Variants in NSF observed in about 807,000 individuals in gnomAD.
NSF encodes N-ethylmaleimide sensitive factor, vesicle fusing ATPase.
Under a neutral mutation model 50.3 loss-of-function variants are expected in NSF, and 14 were observed. The observed-to-expected ratio is 0.28, with a 90% CI of 0.18 to 0.44. The LOEUF is 0.44. NSF is among the 20% of genes least tolerant of loss of function. The pLI is 1.00. For missense variants in NSF, 218 were observed against 504.3 expected (o/e 0.43, Z 5.44); for synonymous variants, 109 against 175.7 (o/e 0.62, Z 3.00).
intron 17 of NSF, among the ~76,000 whole-genome samples, chr17:46,737,081 T>G (rs1007820720): frequency 2.6e-5 from 4 of 152,220 alleles, no homozygotes; most frequent in Admixed American, 2.0e-4. Context: ...ACATCTGCTT[T>G]TATTAGATGT....
chr17:46,610,027 T>TTCTTTCTTTCTTTCTTTCTCTC (rs774244394), intron 1 of NSF, among the ~76,000 whole-genome samples: 3 of 109,470 alleles, frequency 2.7e-5, no homozygotes, highest in African/African-American at 9.9e-5. Context: ...CTTTCTTTCT[T>TTCTTTCTTTCTTTCTTTCTCTC]TCTCTCTCTC....
At chr17:46,754,133 T>G (rs989313923) in intron 19 of NSF, among the ~76,000 whole-genome samples, 2 of 148,038 alleles carry the variant, frequency 1.4e-5, no homozygotes, top group South Asian at 4.3e-4. Context: ...CAACTACAAC[T>G]GCGCTCCAGC....
In NSF at chr17:46,621,349, C is replaced by T. The variant is rs1442290796; in HGVS notation, c.13-2895C>T. Among the ~76,000 whole-genome samples, 20 of 137,856 alleles carry T rather than the reference C, an allele frequency of 1.5e-4. 1 individual carries two copies. In the East Asian group the frequency reaches 3.8e-3, roughly 26 times the overall value. The allele number at this position is 137,856 out of a possible 152,430, so 90.4% of individuals were successfully genotyped here. A position where few individuals can be genotyped will look rare whatever the true frequency, so the allele number is the denominator to read the frequency against. On this transcript the variant is annotated intron_variant, in intron 1 of 20. Transcript: ENST00000398238. ...TTGCCCAGACTGGAGTACAGTGACA[C>T]GATCTCAGCTCACTGCAAGCTCCGC...
At chr17:46,746,588 T>C (rs1364512523) in intron 17 of NSF, among the ~76,000 whole-genome samples, 1 of 152,008 alleles carries the variant, frequency 6.6e-6, no homozygotes, top group Admixed American at 6.5e-5. Flanking sequence ...ATGGACTGAG[T>C]GTGTATTATA....
At chr17:46,743,387 C>T (rs1302475826) in intron 17 of NSF, among the ~76,000 whole-genome samples, 1 of 152,190 alleles carries the variant, frequency 6.6e-6, no homozygotes, top group African/African-American at 2.4e-5. Flanking sequence ...CTTGCCTGTT[C>T]TGACTGTGAT....
intron 12 of NSF, among the ~76,000 whole-genome samples, chr17:46,703,653 C>G (rs910329904): frequency 7.2e-6 from 1 of 138,168 alleles, no homozygotes; most frequent in Non-Finnish European, 1.5e-5. Context: ...TGCACTCCAG[C>G]CTGGGGGACA....
At chr17:46,657,602 T>TA (rs2058270506) in intron 8 of NSF, among the ~76,000 whole-genome samples, 1 of 127,280 alleles carries the variant, frequency 7.9e-6, no homozygotes, top group African/African-American at 3.0e-5. Context: ...ATTCTTCAAG[T>TA]TTCAGCTTGA....
chr17:46,694,828 AAG>A (rs2058579165), intron 12 of NSF, among the ~76,000 whole-genome samples, 166 bp downstream of exon 12: 1 of 137,126 alleles, frequency 7.3e-6, no homozygotes, highest in South Asian at 2.4e-4. Context: ...AGCAGGAAGG[AAG>A]ATAATGTTTG....
intron 17 of NSF, among the ~76,000 whole-genome samples, chr17:46,741,233 G>T (rs1239988630): frequency 6.6e-6 from 1 of 152,162 alleles, no homozygotes; most frequent in Non-Finnish European, 1.5e-5. Context: ...GAGGGGGTTT[G>T]GGGGAATGAG....
chr17:46,725,773 A>C (rs1269087606), intron 15 of NSF, among the ~76,000 whole-genome samples: 1 of 152,160 alleles, frequency 6.6e-6, no homozygotes, highest in Non-Finnish European at 1.5e-5. Context: ...GCTGGGATGC[A>C]GAAACTAATT....
At chr17:46,755,687 G>C in intron 20 of NSF, 115 bp from the exon 21 acceptor site, 1 of 1,169,468 alleles carries the variant, frequency 8.6e-7, no homozygotes, top group Non-Finnish European at 1.2e-6. Context: ...ATGCATAGTG[G>C]GAAATGTAGG....
At chr17:46,738,511 A>G (rs1198629433) in intron 17 of NSF, among the ~76,000 whole-genome samples, 3 of 152,356 alleles carry the variant, frequency 2.0e-5, no homozygotes, top group South Asian at 2.1e-4. Flanking sequence ...AAGGACCATC[A>G]TAACAAACCA....
chr17:46,615,719 A>AC (rs1209130501), intron 1 of NSF, among the ~76,000 whole-genome samples: 1 of 49,436 alleles, frequency 2.0e-5, no homozygotes, highest in Admixed American at 1.7e-4. Context: ...CTTGCCTCAC[A>AC]AAAAAAAAAA....
chr17:46,722,071 C>A, intron 15 of NSF: 1 of 1,610,858 alleles, frequency 6.2e-7, no homozygotes, highest in Non-Finnish European at 8.5e-7. Flanking sequence ...GGTCCGAGTT[C>A]ATCTCCAGCT....
At chr17:46,707,184 A>C (rs1484833613) in intron 13 of NSF, among the ~76,000 whole-genome samples, 2 of 152,128 alleles carry the variant, frequency 1.3e-5, no homozygotes, top group African/African-American at 4.8e-5. Context: ...GTTAGGTGTA[A>C]AATGAGATCT....
intron 8 of NSF, among the ~76,000 whole-genome samples, chr17:46,669,624 C>T (rs2058365341): frequency 7.6e-6 from 1 of 131,014 alleles, no homozygotes; most frequent in Non-Finnish European, 1.7e-5. Context: ...AAGGTAGGGA[C>T]TCAACCCCAA....
intron 13 of NSF, among the ~76,000 whole-genome samples, chr17:46,707,786 CT>C: frequency 6.6e-6 from 1 of 152,206 alleles, no homozygotes; most frequent in East Asian, 1.9e-4. Flanking sequence ...AATCCCAGCA[CT>C]TTTGGAGATT....
intron 9 of NSF, among the ~76,000 whole-genome samples, chr17:46,684,919 A>G (rs1231918472): frequency 9.9e-6 from 1 of 100,708 alleles, no homozygotes; most frequent in Middle Eastern, 3.6e-3. Context: ...AAATAGCATA[A>G]TGTGTCTTAG....
chr17:46,739,624 G>A (rs1185468883), intron 17 of NSF, among the ~76,000 whole-genome samples: 4 of 151,780 alleles, frequency 2.6e-5, no homozygotes, highest in African/African-American at 9.7e-5. Context: ...TGACTCCTGT[G>A]GGCCCCTTCC....
Sources: gnomAD v4.1 joint callset for allele counts (sites outside exome capture counted in the v4.1 genomes callset) on GRCh38, gnomAD v4.1.1 for gene constraint, MANE v1.5 for transcripts, NCBI Gene and HGNC (gene_info 2026-07-23, HGNC 2026-07-21) for gene names.